The following AOPEP variants were observed in gnomAD, a reference collection of about 807,000 sequenced individuals.
AOPEP encodes the protein aminopeptidase O (putative), also known as aminopeptidase O.
Under a neutral mutation model 98.1 loss-of-function variants are expected in AOPEP, and 77 were observed. That is an observed-to-expected ratio of 0.78 (90% confidence interval 0.65 to 0.95). The LOEUF (loss-of-function observed/expected upper bound fraction) is 0.95. Among genes scored for constraint, AOPEP ranks in the 40% least tolerant of loss-of-function variants. The pLI is 0.00. For synonymous variants in AOPEP, 346 were observed against 365.3 expected, an observed-to-expected ratio of 0.95 and a Z score of 0.60; for missense variants, 1,024 against 1,024.7, an observed-to-expected ratio of 1.00 and a Z score of 0.01.
intron 7 of AOPEP, among the ~76,000 whole-genome samples, chr9:94,939,015 C>T (rs958349601): frequency 2.0e-5 from 3 of 152,130 alleles, no homozygotes; most frequent in South Asian, 2.1e-4. Context: ...TTTGGGAGGC[C>T]GAGGCCGGCA....
intron 1 of AOPEP, among the ~76,000 whole-genome samples, chr9:94,743,979 C>T (rs1564053539): frequency 6.6e-6 from 1 of 152,096 alleles, no homozygotes; most frequent in South Asian, 2.1e-4. Context: ...TGGGGTCCAG[C>T]GTGGGCTACT....
At chr9:95,105,698 A>C in the AOPEP span, among the ~76,000 whole-genome samples, 1 of 151,698 alleles carries the variant, frequency 6.6e-6, no homozygotes, top group Non-Finnish European at 1.5e-5. Flanking sequence ...CCTGGACTTG[A>C]CTCTTCCAGG....
intron 14 of AOPEP, among the ~76,000 whole-genome samples, chr9:95,073,839 CAA>C (rs1564605921): frequency 6.6e-6 from 1 of 152,128 alleles, no homozygotes; most frequent in Non-Finnish European, 1.5e-5. Context: ...AGCCTGGCAA[CAA>C]AGTGAGACTC....
chr9:94,730,340 A>G (rs1037098289), intron 1 of AOPEP, among the ~76,000 whole-genome samples: 5 of 150,510 alleles, frequency 3.3e-5, no homozygotes, highest in Non-Finnish European at 5.9e-5. Flanking sequence ...TGTCTAGTAT[A>G]AATTTTATAA....
At chr9:94,881,181 T>C (rs2047541180) in intron 5 of AOPEP, among the ~76,000 whole-genome samples, 1 of 152,132 alleles carries the variant, frequency 6.6e-6, no homozygotes, top group Non-Finnish European at 1.5e-5. Flanking sequence ...ATTTGCAAAT[T>C]AAGTTCATTC....
intron 3 of AOPEP, among the ~76,000 whole-genome samples, chr9:94,788,110 G>A (rs568160317): frequency 6.6e-5 from 10 of 151,800 alleles, no homozygotes; most frequent in African/African-American, 2.4e-4. Flanking sequence ...TTCCTCTGTC[G>A]CCCAGGCTGG....
intron 3 of AOPEP, among the ~76,000 whole-genome samples, chr9:94,780,394 A>T (rs1195558116): frequency 2.6e-5 from 4 of 152,242 alleles, no homozygotes; most frequent in Non-Finnish European, 4.4e-5. Context: ...ACAGAGTAAT[A>T]AAATAGATGC....
intron 15 of AOPEP, among the ~76,000 whole-genome samples, chr9:95,081,651 AACAT>A (rs1751455671): frequency 1.3e-5 from 2 of 152,338 alleles, no homozygotes; most frequent in African/African-American, 2.4e-5. Flanking sequence ...TATCTGGAAA[AACAT>A]ACAGGAGTAT....
At chr9:95,013,111 T>G (rs2062691731) in intron 13 of AOPEP, among the ~76,000 whole-genome samples, 1 of 151,868 alleles carries the variant, frequency 6.6e-6, no homozygotes, top group Non-Finnish European at 1.5e-5. Context: ...TCACGTGACC[T>G]TTGCTTTCCT....
intron 5 of AOPEP, among the ~76,000 whole-genome samples, chr9:94,906,482 T>TAATAAA (rs1367536683): frequency 6.4e-4 from 61 of 95,442 alleles, no homozygotes; most frequent in Admixed American, 1.6e-3. Flanking sequence ...ATAATAATAA[T>TAATAAA]AAAAAAACAG....
the AOPEP span, chr9:95,117,287 G>T: frequency 1.2e-6 from 2 of 1,603,580 alleles, no homozygotes; most frequent in African/African-American, 1.3e-5. Context: ...AAATCATTCT[G>T]ATGTGGGCAA....
At chr9:95,139,399 G>A in the AOPEP span, among the ~76,000 whole-genome samples, 1 of 152,164 alleles carries the variant, frequency 6.6e-6, no homozygotes, top group Non-Finnish European at 1.5e-5. Context: ...ACACAGCCCC[G>A]TGTTAATCAT....
At chr9:95,102,342 G>A in the AOPEP span, among the ~76,000 whole-genome samples, 1 of 152,190 alleles carries the variant, frequency 6.6e-6, no homozygotes, top group Non-Finnish European at 1.5e-5. Context: ...TTTTTAATAG[G>A]CCTCTAAGGT....
intron 13 of AOPEP, among the ~76,000 whole-genome samples, chr9:95,006,971 G>T (rs377015748): frequency 6.7e-6 from 1 of 149,216 alleles, no homozygotes; most frequent in Admixed American, 6.7e-5. Context: ...GCGTGATCTC[G>T]GCTCATTGAA....
chr9:95,135,401 G>T, the AOPEP span: 1 of 1,614,004 alleles, frequency 6.2e-7, no homozygotes, highest in Non-Finnish European at 8.5e-7. Context: ...TCTCTCACTG[G>T]AGATTAGCTT....
At chr9:94,821,448 T>C (rs1019720349) in intron 5 of AOPEP, among the ~76,000 whole-genome samples, 2 of 152,210 alleles carry the variant, frequency 1.3e-5, no homozygotes, top group Admixed American at 1.3e-4. Context: ...GACAGAGACT[T>C]TCAGTGGTTT....
At chr9:95,087,375 C>T (rs528247753), downstream of AOPEP, among the ~76,000 whole-genome samples, 3 of 141,802 alleles carry the variant, frequency 2.1e-5, no homozygotes, top group East Asian at 2.3e-4. Flanking sequence ...CCCAGCTACT[C>T]GGGAGACTGA....
intron 7 of AOPEP, chr9:94,932,153 C>A (rs1172593542): frequency 1.0e-6 from 1 of 998,566 alleles, no homozygotes; most frequent in Admixed American, 6.0e-5. Flanking sequence ...AAAAAACAAA[C>A]AAACAAAAAA....
chr9:94,778,403 A>G (rs552702127), intron 3 of AOPEP, among the ~76,000 whole-genome samples: 1 of 152,150 alleles, frequency 6.6e-6, no homozygotes, highest in East Asian at 1.9e-4. Context: ...TGGATAAACA[A>G]ATTATGGTTT....
Sources: gnomAD v4.1 joint callset for allele counts (sites outside exome capture counted in the v4.1 genomes callset) on GRCh38, gnomAD v4.1.1 for gene constraint, MANE v1.5 for transcripts, NCBI Gene and HGNC (gene_info 2026-07-23, HGNC 2026-07-21) for gene names.